RAPH1: variants seen among roughly 807,000 people sequenced by gnomAD.
The protein encoded by RAPH1 is Ras association (RalGDS/AF-6) and pleckstrin homology domains 1.
A neutral mutation model predicts 88.1 loss-of-function variants in RAPH1; 18 were observed. The observed-to-expected ratio is 0.20, with a 90% confidence interval of 0.14 to 0.30. The LOEUF is 0.30. Among genes scored for constraint, RAPH1 ranks in the 10% least tolerant of loss-of-function variants. The pLI, the probability that RAPH1 is intolerant of heterozygous loss-of-function variation, is 1.00. For missense variants in RAPH1, 1,448 were observed against 1,543.2 expected (o/e 0.94, Z 1.03); for synonymous variants, 587 against 559.0 (o/e 1.05, Z -0.71).
intron 1 of RAPH1, among the ~76,000 whole-genome samples, chr2:203,524,978 T>C (rs1480510643): frequency 6.6e-6 from 1 of 152,224 alleles, no homozygotes; most frequent in Non-Finnish European, 1.5e-5. Context: ...TTATGTATTG[T>C]TCTTCAATAC....
chr2:203,443,459 CCTCT>C (rs1486917468), intron 13 of RAPH1: 3 of 152,062 alleles, frequency 2.0e-5, no homozygotes, highest in African/African-American at 4.8e-5. Flanking sequence ...AACTGAAGAA[CCTCT>C]CTATTTTCCT....
rs960532884 is a variant in RAPH1, at chr2:203,461,701, A to G, written c.810+147T>C. The G allele has an allele frequency of 1.5e-5, 9 of 599,788 alleles. No individual in the cohort carries two copies. The Admixed American group carries it at 1.8e-4, about 12-fold the overall frequency. 37.2% of individuals were successfully genotyped at this position (599,788 alleles called of 1,614,324 possible). ...TTATAATGCATTTTACCCACAAAAA[A>G]TACTACATGTGAAAAATATATTACT... On this transcript the variant is annotated intron_variant, in intron 5 of 13. Transcript: ENST00000319170.
intron 1 of RAPH1, among the ~76,000 whole-genome samples, chr2:203,506,864 A>ATATATC (rs1559494898): frequency 0.015 from 466 of 30,538 alleles, 65 homozygotes; most frequent in African/African-American, 0.037. Context: ...ATCTATATAT[A>ATATATC]TATATATATA....
chr2:203,481,973 C>G (rs1438367603), intron 4 of RAPH1, among the ~76,000 whole-genome samples: 1 of 150,486 alleles, frequency 6.6e-6, no homozygotes, highest in Non-Finnish European at 1.5e-5. Flanking sequence ...AAAACAAAAA[C>G]AGACCTAAAC....
At chr2:203,531,088 G>A (rs937895673) in intron 1 of RAPH1, among the ~76,000 whole-genome samples, 1 of 151,986 alleles carries the variant, frequency 6.6e-6, no homozygotes, top group South Asian at 2.1e-4. Context: ...ATCCCAAATG[G>A]ATCAAAGACC....
At chr2:203,509,299 G>A (rs1030644237) in intron 1 of RAPH1, among the ~76,000 whole-genome samples, 2 of 151,800 alleles carry the variant, frequency 1.3e-5, no homozygotes, top group Non-Finnish European at 2.9e-5. Flanking sequence ...GGCCTCAAGG[G>A]ATCCAACCAC....
At chr2:203,469,175 A>G (rs1465582011) in intron 4 of RAPH1, among the ~76,000 whole-genome samples, 1 of 152,204 alleles carries the variant, frequency 6.6e-6, no homozygotes, top group African/African-American at 2.4e-5. Context: ...CTGAAGATAC[A>G]AGTGTGGACT....
intron 1 of RAPH1, among the ~76,000 whole-genome samples, chr2:203,521,821 T>C (rs1436089898): frequency 6.6e-6 from 1 of 152,156 alleles, no homozygotes; most frequent in African/African-American, 2.4e-5. Context: ...CAATGAACTA[T>C]AAAATGTACA....
intron 10 of RAPH1, among the ~76,000 whole-genome samples, chr2:203,451,460 T>TGC (rs1338400913): frequency 1.3e-5 from 2 of 152,200 alleles, no homozygotes; most frequent in Admixed American, 6.5e-5. Flanking sequence ...TTCATACTAC[T>TGC]GCCTTATTAA....
At chr2:203,526,490 C>A (rs1399514263) in intron 1 of RAPH1, among the ~76,000 whole-genome samples, 1 of 151,960 alleles carries the variant, frequency 6.6e-6, no homozygotes, top group African/African-American at 2.4e-5. Flanking sequence ...TTTGCGAGGC[C>A]AAGGCAGGCA....
At chr2:203,499,041 G>A (rs1688630799) in intron 1 of RAPH1, among the ~76,000 whole-genome samples, 1 of 151,400 alleles carries the variant, frequency 6.6e-6, no homozygotes, top group Non-Finnish European at 1.5e-5. Context: ...TACCACCTGG[G>A]TTTGTGTAAG....
chr2:203,480,961 G>A (rs1306362820), intron 4 of RAPH1, among the ~76,000 whole-genome samples: 1 of 151,912 alleles, frequency 6.6e-6, no homozygotes, highest in African/African-American at 2.4e-5. Flanking sequence ...TTCAAAGGTT[G>A]GTATAAAAAT....
intron 4 of RAPH1, among the ~76,000 whole-genome samples, chr2:203,477,925 TC>T (rs1687537192): frequency 6.6e-6 from 1 of 152,134 alleles, no homozygotes; most frequent in Admixed American, 6.6e-5. Context: ...CTCCTCCACT[TC>T]CCAGCCACTC....
rs1434411752 is a variant in RAPH1 at position 203,438,430 on chromosome 2, C to G, written c.*1007G>C. On this transcript the variant is annotated 3_prime_UTR_variant, in exon 14 of 14. Transcript: ENST00000319170. The stretch of plus-strand genomic sequence containing the variant: ...GCACAGGATGTGTATATTTCATATA[C>G]CAATTGTCTACAGATATGTAATAAC... 3.1e-6 allele frequency: 1 copy of G among 322,454 alleles called. No individual in the cohort carries two copies. Among genetic ancestry groups the G allele is most frequent in the African/African-American group, 2.2e-5 (1 of 45,652 alleles). 20.0% of individuals were successfully genotyped at this position (322,454 alleles called of 1,614,324 possible).
intron 1 of RAPH1, among the ~76,000 whole-genome samples, chr2:203,501,300 AATTACTT>A (rs1300630135): frequency 6.6e-6 from 1 of 152,224 alleles, no homozygotes; most frequent in Non-Finnish European, 1.5e-5. Flanking sequence ...GTAGGGGATT[AATTACTT>A]ATCAGATGGG....
chr2:203,460,855 G>A (rs1244978256), intron 6 of RAPH1, among the ~76,000 whole-genome samples: 3 of 152,134 alleles, frequency 2.0e-5, no homozygotes, highest in East Asian at 3.9e-4. Flanking sequence ...GGTGGTTCAC[G>A]CCTGTAATCC....
At chr2:203,531,540 A>G (rs944715168) in intron 1 of RAPH1, among the ~76,000 whole-genome samples, 4 of 152,234 alleles carry the variant, frequency 2.6e-5, no homozygotes, top group Non-Finnish European at 5.9e-5. Flanking sequence ...CAACTCACCA[A>G]AAAACAACCT....
At chr2:203,443,615 A>G (rs949660420) in intron 13 of RAPH1, 1 of 151,750 alleles carries the variant, frequency 6.6e-6, no homozygotes, top group East Asian at 1.9e-4. Flanking sequence ...AAATTCATCA[A>G]TGCCCAAAGA....
rs763382425 is a variant in RAPH1 at position 203,440,298 on chromosome 2, G to C, written c.2892C>G (p.Ser964=). ...GGGGTGGTTTCTTTCCCCCAGGGCT[G>C]GACGTCTTACTGGTCTTTTTGCCTG... is the stretch of plus-strand genomic sequence containing the variant. ...GSPGKKTSKT[S]SPGGKKPPPT... is the part of the protein sequence containing the mutation. Residue 964 remains serine (S), a synonymous_variant, in exon 14 of 14, where the codon TCC becomes TCG. Coordinates refer to ENST00000319170, the MANE Select transcript of RAPH1 (RefSeq NM_213589.3). 1 of 1,613,700 alleles carries C rather than the reference G, an allele frequency of 6.2e-7. No individual in the cohort carries two copies. Among genetic ancestry groups the C allele is most frequent in the South Asian group, 1.1e-5 (1 of 91,054 alleles).
Sources: allele counts gnomAD v4.1 joint callset (sites outside exome capture counted in the v4.1 genomes callset), GRCh38; gene constraint gnomAD v4.1.1; transcripts MANE v1.5; gene names NCBI Gene and HGNC (gene_info 2026-07-23, HGNC 2026-07-21).